The following RNF24 variants were observed in gnomAD, a reference collection of about 807,000 sequenced individuals.
RNF24 encodes the protein ring finger protein 24.
In RNF24, 14 loss-of-function variants were observed where a neutral mutation model predicts 20.0. The ratio of observed to expected loss-of-function variants is 0.70; its 90% CI spans 0.46 to 1.10. The LOEUF (loss-of-function observed/expected upper bound fraction) is 1.10. Among genes scored for constraint, RNF24 ranks in the 50% least tolerant of loss-of-function variants. The pLI is 0.00. For synonymous variants in RNF24, 45 were observed against 61.1 expected (o/e 0.74, Z 1.23); for missense variants, 124 against 177.6 (o/e 0.70, Z 1.71).
chr20:3,955,457 T>G (rs1412174004), intron 2 of RNF24, among the ~76,000 whole-genome samples: 1 of 152,234 alleles, frequency 6.6e-6, no homozygotes, highest in Non-Finnish European at 1.5e-5. Flanking sequence ...TTTGGATTTA[T>G]TTCTGGACTC....
At chr20:3,981,944 C>T (rs1979421730) in intron 1 of RNF24, among the ~76,000 whole-genome samples, 2 of 151,668 alleles carry the variant, frequency 1.3e-5, no homozygotes, top group African/African-American at 4.8e-5. Flanking sequence ...CAGGTAAAAC[C>T]CCGTCTCTAC....
intron 2 of RNF24, among the ~76,000 whole-genome samples, chr20:3,953,312 C>T (rs566344816): frequency 6.9e-4 from 105 of 151,740 alleles, no homozygotes; most frequent in Non-Finnish European, 9.7e-4. Context: ...CCACCACGCC[C>T]GGCTAATTTT....
chr20:3,969,470 G>A (rs1324786920), intron 1 of RNF24, among the ~76,000 whole-genome samples: 1 of 149,658 alleles, frequency 6.7e-6, no homozygotes, highest in African/African-American at 2.5e-5. Flanking sequence ...CTTAGAGCTG[G>A]CAAAGTTGGC....
chr20:3,970,028 A>C (rs535184114), intron 1 of RNF24, among the ~76,000 whole-genome samples: 1 of 152,126 alleles, frequency 6.6e-6, no homozygotes, highest in East Asian at 1.9e-4. Flanking sequence ...CACCTCAGTG[A>C]TATCAGTAGA....
intron 1 of RNF24, among the ~76,000 whole-genome samples, chr20:3,978,408 A>G (rs1365777290): frequency 1.3e-5 from 2 of 152,156 alleles, no homozygotes; most frequent in Admixed American, 1.3e-4. Flanking sequence ...AGAATTTGCA[A>G]TATTCCCAAC....
intron 1 of RNF24, among the ~76,000 whole-genome samples, chr20:4,011,318 G>A (rs143837080): frequency 1.0e-3 from 153 of 152,280 alleles, no homozygotes; most frequent in African/African-American, 3.6e-3. Context: ...TGTAACTTCT[G>A]AATTCAGGAA....
intron 1 of RNF24, among the ~76,000 whole-genome samples, chr20:3,982,653 A>G (rs1256577886): frequency 2.7e-5 from 4 of 150,888 alleles, no homozygotes; most frequent in African/African-American, 9.7e-5. Flanking sequence ...TTGGGAGGCC[A>G]AGGTGGGAGG....
intron 2 of RNF24, among the ~76,000 whole-genome samples, chr20:3,957,771 T>G (rs1426051894): frequency 1.3e-5 from 2 of 152,198 alleles, no homozygotes; most frequent in Non-Finnish European, 2.9e-5. Flanking sequence ...TATTTTACAT[T>G]GCACTATTTT....
At chr20:4,005,338 T>C (rs1369070157) in intron 1 of RNF24, among the ~76,000 whole-genome samples, 2 of 152,214 alleles carry the variant, frequency 1.3e-5, no homozygotes, top group African/African-American at 4.8e-5. Context: ...TATACTGTTC[T>C]GTGATTTAAG....
intron 4 of RNF24, among the ~76,000 whole-genome samples, chr20:3,938,896 A>T (rs1019250748): frequency 1.3e-5 from 2 of 152,020 alleles, no homozygotes; most frequent in African/African-American, 4.8e-5. Context: ...TTACAGGCAC[A>T]CATCACGACA....
intron 1 of RNF24, among the ~76,000 whole-genome samples, chr20:4,002,131 A>G (rs1029178559): frequency 6.6e-6 from 1 of 152,044 alleles, no homozygotes; most frequent in Non-Finnish European, 1.5e-5. Flanking sequence ...CATGCCTGTA[A>G]TCCCAGCACT....
At chr20:4,003,253 AC>A (rs1381255806) in intron 1 of RNF24, among the ~76,000 whole-genome samples, 1 of 151,980 alleles carries the variant, frequency 6.6e-6, no homozygotes, top group African/African-American at 2.4e-5. Context: ...ACAGGCGTGA[AC>A]CACCACGCCC....
intron 1 of RNF24, among the ~76,000 whole-genome samples, chr20:4,009,660 G>A (rs566789596): frequency 2.0e-5 from 3 of 152,200 alleles, no homozygotes; most frequent in African/African-American, 7.2e-5. Context: ...GAGAAGTTAT[G>A]AAATAGTGAT....
intron 1 of RNF24, among the ~76,000 whole-genome samples, chr20:3,985,902 C>G (rs1979859313): frequency 6.6e-6 from 1 of 151,946 alleles, no homozygotes; most frequent in African/African-American, 2.4e-5. Context: ...CCACGCCCGG[C>G]TAATTTTGTA....
chr20:3,982,135 CAATA>C (rs59126901), intron 1 of RNF24, among the ~76,000 whole-genome samples: 2 of 149,436 alleles, frequency 1.3e-5, no homozygotes, highest in Non-Finnish European at 3.0e-5. Context: ...CTCTCTCTCT[CAATA>C]AATAAATAAA....
intron 1 of RNF24, among the ~76,000 whole-genome samples, chr20:3,973,500 CAAAAAAAAAAA>C (rs56824542): frequency 5.9e-5 from 6 of 101,106 alleles, no homozygotes; most frequent in East Asian, 6.6e-4. Context: ...GGAAGAATGA[CAAAAAAAAAAA>C]AAAAAAAAAA....
intron 1 of RNF24, among the ~76,000 whole-genome samples, chr20:3,995,142 C>G (rs1489180939): frequency 6.6e-6 from 1 of 152,208 alleles, no homozygotes; most frequent in Non-Finnish European, 1.5e-5. Flanking sequence ...ACCACGGGGA[C>G]TTGTAGGCAA....
chr20:3,935,191 T>TAA, intron 4 of RNF24, 118 bp from the exon 5 acceptor site: 6 of 572,290 alleles, frequency 1.0e-5, no homozygotes, highest in East Asian at 3.2e-5. Context: ...ACTCTTATCT[T>TAA]AAAAAAAAAA....
At chr20:3,936,103 T>C (rs1457122300) in intron 4 of RNF24, among the ~76,000 whole-genome samples, 3 of 152,236 alleles carry the variant, frequency 2.0e-5, no homozygotes, top group South Asian at 2.1e-4. Context: ...GCAGGACATG[T>C]GGCTCTTGGT....
Sources: allele counts gnomAD v4.1 joint callset (sites outside exome capture counted in the v4.1 genomes callset), GRCh38; gene constraint gnomAD v4.1.1; transcripts MANE v1.5; gene names NCBI Gene and HGNC (gene_info 2026-07-23, HGNC 2026-07-21).